HYCC2: variants seen among roughly 807,000 people sequenced by gnomAD.
HYCC2 encodes hyccin 2.
chr2:200,987,682 C>T, the HYCC2 span: 6 of 481,730 alleles, frequency 1.2e-5, no homozygotes, highest in South Asian at 1.0e-4. Flanking sequence ...ATGCTGTGCA[C>T]ACACATAAGG....
the HYCC2 span, among the ~76,000 whole-genome samples, chr2:201,036,820 C>T: frequency 6.6e-6 from 1 of 152,180 alleles, no homozygotes; most frequent in Non-Finnish European, 1.5e-5. Flanking sequence ...GAAGCATTCC[C>T]TTTGAAAACT....
the HYCC2 span, among the ~76,000 whole-genome samples, chr2:201,068,296 A>G: frequency 6.7e-6 from 1 of 149,448 alleles, no homozygotes; most frequent in East Asian, 1.9e-4. Context: ...TCAAAAAAAG[A>G]AAAAAAAAAG....
chr2:201,045,346 T>C, the HYCC2 span: 1 of 390,040 alleles, frequency 2.6e-6, no homozygotes, highest in South Asian at 1.4e-4. Flanking sequence ...CAAAATAGAA[T>C]TCAAAGGCAA....
the HYCC2 span, among the ~76,000 whole-genome samples, chr2:201,018,348 A>T: frequency 6.6e-6 from 1 of 152,088 alleles, no homozygotes. Context: ...TTTAATACTA[A>T]CTCTTTAAAA....
At chr2:201,068,209 C>A in the HYCC2 span, among the ~76,000 whole-genome samples, 1 of 152,102 alleles carries the variant, frequency 6.6e-6, no homozygotes, top group East Asian at 1.9e-4. Flanking sequence ...ATGGCTTGAA[C>A]CCGGGAGGCA....
chr2:201,052,672 C>G, the HYCC2 span, among the ~76,000 whole-genome samples: 3 of 152,126 alleles, frequency 2.0e-5, no homozygotes, highest in Non-Finnish European at 1.5e-5. Context: ...TGGGCACAGA[C>G]AGTAAAGAAC....
the HYCC2 span, among the ~76,000 whole-genome samples, chr2:200,982,251 T>C: frequency 1.3e-5 from 2 of 151,882 alleles, no homozygotes; most frequent in African/African-American, 4.8e-5. Context: ...AAAAAACTTT[T>C]CCCCTCATAC....
the HYCC2 span, chr2:200,981,138 A>G: frequency 9.4e-7 from 1 of 1,066,598 alleles, no homozygotes; most frequent in Non-Finnish European, 1.4e-6. The surrounding 1 kb of genome is among the most constrained non-coding windows in gnomAD (Gnocchi z 4.5). Context: ...AAAATACAGT[A>G]TGAAGATACC....
the HYCC2 span, among the ~76,000 whole-genome samples, chr2:201,035,909 G>A: frequency 1.7e-4 from 26 of 152,276 alleles, no homozygotes; most frequent in Admixed American, 1.2e-3. Flanking sequence ...GGAGGCTGCA[G>A]AACAGCGGAT....
At chr2:201,062,533 C>A in the HYCC2 span, among the ~76,000 whole-genome samples, 1 of 151,896 alleles carries the variant, frequency 6.6e-6, no homozygotes, top group African/African-American at 2.4e-5. Flanking sequence ...CACCTGTAGT[C>A]CCAGCTACTT....
At chr2:200,976,417 G>C in the HYCC2 span, 1 of 152,220 alleles carries the variant, frequency 6.6e-6, no homozygotes. Context: ...ATAAATAGGG[G>C]ACTACCCCTA....
At chr2:201,047,782 A>G in the HYCC2 span, among the ~76,000 whole-genome samples, 1 of 150,922 alleles carries the variant, frequency 6.6e-6, no homozygotes, top group African/African-American at 2.4e-5. Flanking sequence ...AAGCCAAAAT[A>G]TAATAGAATA....
the HYCC2 span, among the ~76,000 whole-genome samples, chr2:201,051,743 C>G: frequency 6.6e-6 from 1 of 152,182 alleles, no homozygotes; most frequent in East Asian, 1.9e-4. Context: ...TGTCAGTTCT[C>G]CCTCAATTAA....
the HYCC2 span, among the ~76,000 whole-genome samples, chr2:201,071,265 G>T: frequency 6.6e-6 from 1 of 151,798 alleles, no homozygotes; most frequent in South Asian, 2.1e-4. Flanking sequence ...TCCTTTTCTC[G>T]CCTGGGGCTT....
the HYCC2 span, chr2:201,009,368 A>G: frequency 1.2e-5 from 3 of 257,424 alleles, no homozygotes. Flanking sequence ...GAAAAAACTA[A>G]AGGTTAAAAA....
At chr2:201,058,035 T>C in the HYCC2 span, among the ~76,000 whole-genome samples, 1 of 152,196 alleles carries the variant, frequency 6.6e-6, no homozygotes, top group African/African-American at 2.4e-5. Flanking sequence ...AATTTCACAA[T>C]ATGCCAGGCT....
chr2:201,060,001 G>A, the HYCC2 span, among the ~76,000 whole-genome samples: 3 of 128,554 alleles, frequency 2.3e-5, no homozygotes, highest in East Asian at 2.8e-4. Flanking sequence ...CCGAGATTGC[G>A]CCACTGCTCT....
chr2:201,071,264 C>T, the HYCC2 span, among the ~76,000 whole-genome samples: 1 of 152,306 alleles, frequency 6.6e-6, no homozygotes, highest in African/African-American at 2.4e-5. Flanking sequence ...GTCCTTTTCT[C>T]GCCTGGGGCT....
chr2:201,023,968 T>A, the HYCC2 span: 1 of 1,612,944 alleles, frequency 6.2e-7, no homozygotes, highest in Non-Finnish European at 8.5e-7. Context: ...CCTTGAATTC[T>A]GATAACCATT....
Sources: allele counts gnomAD v4.1 joint callset (sites outside exome capture counted in the v4.1 genomes callset), GRCh38; gene constraint gnomAD v4.1.1; non-coding constraint Gnocchi (gnomAD v3.1); transcripts MANE v1.5; gene names NCBI Gene and HGNC (gene_info 2026-07-23, HGNC 2026-07-21).